The following PLBD2 variants were observed in gnomAD, a reference collection of about 807,000 sequenced individuals.
The protein encoded by PLBD2 is putative aminopeptidase PLBD2.
PLBD2 carries 51 observed loss-of-function variants against 68.3 expected under a neutral mutation model. The observed-to-expected ratio is 0.75, with a 90% CI of 0.60 to 0.94. The LOEUF is 0.94. Among genes scored for constraint, PLBD2 ranks in the 40% least tolerant of loss-of-function variants. The probability of loss-of-function intolerance (pLI) is 0.00; values close to 1 mark genes in which losing one functional copy is unlikely to be tolerated. For missense variants in PLBD2, 729 were observed against 792.2 expected (o/e 0.92, Z 0.96); for synonymous variants, 314 against 339.3 (o/e 0.93, Z 0.82).
chr12:113,384,603 G>T lies in PLBD2; in HGVS notation c.1119-248G>T, dbSNP rs967635999. 3.9e-5 allele frequency among the ~76,000 whole-genome samples: 6 copies of T among 152,158 alleles called. No homozygotes were observed. The highest frequency in any genetic ancestry group is 7.4e-5 in the Non-Finnish European group (5 of 68,024). On this transcript the variant is annotated intron_variant, in intron 7 of 11. Transcript: ENST00000280800. This position sits in a 1 kb window ranked among gnomAD's most constrained non-coding sequence, Gnocchi z 4.2. ...AGAGACACTGGAACTGGGCAGTGCA[G>T]ATCTTACAGCATCCGGCAGAGGAGC...
intron 5 of PLBD2, among the ~76,000 whole-genome samples, chr12:113,379,623 A>C (rs1957467248): frequency 6.6e-6 from 1 of 152,120 alleles, no homozygotes; most frequent in Non-Finnish European, 1.5e-5. Flanking sequence ...AGCACTTGTC[A>C]AGGGATGGGT....
rs188138249 is a variant in PLBD2 at position 113,373,698 on chromosome 12, A to G, written c.544-776A>G. Among the ~76,000 whole-genome samples, 205 of 131,812 alleles carry G rather than the reference A, an allele frequency of 1.6e-3. 1 individual carries two copies. Among genetic ancestry groups the G allele is most frequent in the African/African-American group, 5.5e-3 (189 of 34,112 alleles). The allele number at this position is 131,812 out of a possible 152,430, so 86.5% of individuals were successfully genotyped here. ...CACCCATTTACCCACCCATCCATCC[A>G]TCCTCCATCCACCCATCCTTCCACC... On this transcript the variant is annotated intron_variant, in intron 3 of 11. Transcript: ENST00000280800.
At position 113,374,823 on chromosome 12, in the gene PLBD2, C is replaced by G; in HGVS notation, c.675C>G (p.Asp225Glu). 6.2e-7 allele frequency: 1 copy of G among 1,613,796 alleles called. No homozygotes were observed. The highest frequency in any genetic ancestry group is 8.5e-7 in the Non-Finnish European group (1 of 1,180,028). The part of the protein sequence containing the change: ...LLLQLSGDLE[D>E]LELALNKTKI... ...TGCAGCTCTCTGGGGACCTGGAAGA[C>G]CTGGAGCTGGCCCTGAACAAGACCA... The change falls in exon 5 of 12, where the codon GAC (aspartate) becomes GAG (glutamate). Residue 225 changes from aspartate (D) to glutamate (E), a missense_variant. Physicochemically the swap from Asp to Glu is conservative, Grantham distance 45. Coordinates refer to ENST00000280800, the MANE Select transcript of PLBD2 (RefSeq NM_173542.4).
chr12:113,367,957 C>A (rs140942075), intron 1 of PLBD2, among the ~76,000 whole-genome samples: 1,879 of 152,028 alleles, frequency 0.012, 43 homozygotes, highest in African/African-American at 0.042. Context: ...TGGCTCACAC[C>A]TGTAATCCCA....
At chr12:113,382,830 GTT>G (rs1179441269) in intron 6 of PLBD2, among the ~76,000 whole-genome samples, 44 of 126,336 alleles carry the variant, frequency 3.5e-4, no homozygotes, top group African/African-American at 1.1e-3. Flanking sequence ...GGTGGTGGTG[GTT>G]TTTTGTGTGT....
intron 2 of PLBD2, among the ~76,000 whole-genome samples, chr12:113,369,622 G>A (rs150274178): frequency 2.2e-3 from 337 of 152,188 alleles, no homozygotes; most frequent in South Asian, 5.6e-3. Context: ...AAGGACTGAC[G>A]CACACCAGAA....
chr12:113,363,569 C>T (rs1013317397), intron 1 of PLBD2, among the ~76,000 whole-genome samples: 2 of 140,794 alleles, frequency 1.4e-5, no homozygotes, highest in Middle Eastern at 4.1e-3. Flanking sequence ...GGTGGAGTCT[C>T]GCCCTGTTGC....
chr12:113,368,991 A>AC, intron 1 of PLBD2, 125 bp from the exon 2 acceptor site: 1 of 604,788 alleles, frequency 1.7e-6, no homozygotes. Flanking sequence ...ACAAAGATGG[A>AC]CAGACAGACA....
chr12:113,377,394 G>A (rs371329555), intron 5 of PLBD2, among the ~76,000 whole-genome samples: 9 of 151,996 alleles, frequency 5.9e-5, no homozygotes, highest in African/African-American at 2.2e-4. Flanking sequence ...CCCCACCCCA[G>A]CATCATCTCT....
At chr12:113,364,653 A>T (rs2136900887) in intron 1 of PLBD2, among the ~76,000 whole-genome samples, 1 of 151,896 alleles carries the variant, frequency 6.6e-6, no homozygotes, top group Non-Finnish European at 1.5e-5. Context: ...TAGAGAGGGG[A>T]GTCTCGCTTT....
Position 113,384,272 on chromosome 12 carries a change from G to A in PLBD2, c.1118+7G>A. The A allele has an allele frequency of 1.9e-6, 3 of 1,606,168 alleles. No homozygotes were observed. Among genetic ancestry groups the A allele is most frequent in the South Asian group, 1.1e-5 (1 of 89,850 alleles). On this transcript the variant is annotated splice_region_variant and intron_variant, in intron 7 of 11. Transcript: ENST00000280800. The surrounding 1 kb of genome is among the most constrained non-coding windows in gnomAD (Gnocchi z 4.2). ...AGAGGTTCAACAGCGGCACGTGAGT[G>A]GGCTTCTGGCCCTGTGGCTTCCCCT...
At chr12:113,377,509 T>C (rs1242134469) in intron 5 of PLBD2, among the ~76,000 whole-genome samples, 2 of 152,220 alleles carry the variant, frequency 1.3e-5, no homozygotes, top group Non-Finnish European at 2.9e-5. Context: ...CACTGCAACC[T>C]CTGCTTCCTA....
At chr12:113,382,218 A>C (rs1957497714) in intron 6 of PLBD2, among the ~76,000 whole-genome samples, 1 of 152,238 alleles carries the variant, frequency 6.6e-6, no homozygotes, top group Non-Finnish European at 1.5e-5. Context: ...GTAAACTTTT[A>C]GTATATATGT....
Position 113,390,220 on chromosome 12 carries a change from A to G in PLBD2, c.*1594A>G, listed in dbSNP as rs796934048. On this transcript the variant is annotated 3_prime_UTR_variant, in exon 12 of 12. Transcript: ENST00000280800. ...CATCCACCCACCCATCCAACTACCT[A>G]TCCATTCATCCATCCACCCATCTGC... 2 of 148,752 alleles carry G rather than the reference A, an allele frequency of 1.3e-5. No homozygotes were observed. The highest frequency in any genetic ancestry group is 2.5e-5 in the African/African-American group (1 of 40,092). The allele number at this position is 148,752 out of a possible 1,614,324, so 9.2% of individuals were successfully genotyped here.
Position 113,374,803 on chromosome 12 carries a change from C to T in PLBD2, c.655C>T (p.Leu219Phe), listed in dbSNP as rs746780787. The change falls in exon 5 of 12, where the codon CTC (leucine) becomes TTC (phenylalanine). Residue 219 changes from leucine to phenylalanine, a missense_variant. Transcript: ENST00000280800. The stretch of plus-strand genomic sequence containing the variant: ...CCTGGCCCTCCTCAGCCTGCTGCAG[C>T]TCTCTGGGGACCTGGAAGACCTGGA... ...IKPLGFLLLQ[L>F]SGDLEDLELA... 4 of 1,613,742 alleles carry T rather than the reference C, an allele frequency of 2.5e-6. No homozygotes were observed. Among genetic ancestry groups the T allele is most frequent in the Non-Finnish European group, 2.5e-6 (3 of 1,180,024 alleles).
rs1957521747 is a variant in PLBD2 at position 113,384,020 on chromosome 12, A to AG, written c.958-85_958-84insG. ...TCAAAAAAAAAAAAAAAAAAAAAAA[A>AG]TTTTTGGAGCCATGACTGATGAAGT... On this transcript the variant is annotated intron_variant, in intron 6 of 11. Transcript: ENST00000280800. This position sits in a 1 kb window ranked among gnomAD's most constrained non-coding sequence, Gnocchi z 4.2. 8 of 992,012 alleles carry AG rather than the reference A, an allele frequency of 8.1e-6. No individual in the cohort carries two copies. Among genetic ancestry groups the AG allele is most frequent in the Non-Finnish European group, 1.1e-5 (8 of 748,518 alleles). The allele number at this position is 992,012 out of a possible 1,614,324, so 61.5% of individuals were successfully genotyped here.
At position 113,374,584 on chromosome 12, in the gene PLBD2, A is replaced by C; in HGVS notation, c.644+10A>C. 1.3e-6 allele frequency: 2 copies of C among 1,582,684 alleles called. No individual in the cohort carries two copies. The highest frequency in any genetic ancestry group is 1.7e-6 in the Non-Finnish European group (2 of 1,162,858). On this transcript the variant is annotated intron_variant, in intron 4 of 11. Coordinates refer to ENST00000280800, the MANE Select transcript of PLBD2 (RefSeq NM_173542.4). ...AACCCTTGGGGTTCCTGTAAGTGCCACCCCCAGAGTGAACAGGGTGGGAAG... is the reference window on the plus strand; with the variant it reads ...AACCCTTGGGGTTCCTGTAAGTGCCCCCCCCAGAGTGAACAGGGTGGGAAG...
intron 6 of PLBD2, among the ~76,000 whole-genome samples, chr12:113,383,774 G>C (rs376431573): frequency 1.3e-5 from 2 of 151,280 alleles, no homozygotes; most frequent in African/African-American, 4.9e-5. Context: ...GCGGAGGTGG[G>C]CGGATCACTT....
At position 113,372,464 on chromosome 12, in the gene PLBD2, G is replaced by A. The variant is rs1361145448; in HGVS notation, c.385-185G>A. On this transcript the variant is annotated intron_variant, in intron 2 of 11. Coordinates refer to ENST00000280800, the MANE Select transcript of PLBD2 (RefSeq NM_173542.4). This position sits in a 1 kb window ranked among gnomAD's most constrained non-coding sequence, Gnocchi z 4.2. ...AAGGCTCTCAGGGCAACTTCCAGGG[G>A]CCTGGGGTCCCTATCCGGGGCAGAG... is the stretch of plus-strand genomic sequence containing the variant. Among the ~76,000 whole-genome samples the A allele has an allele frequency of 3.3e-5, 5 of 152,142 alleles. No individual in the cohort carries two copies. In the South Asian group the frequency reaches 8.3e-4, roughly 25 times the overall value.
Sources: gnomAD v4.1 joint callset for allele counts (sites outside exome capture counted in the v4.1 genomes callset) on GRCh38, gnomAD v4.1.1 for gene constraint, Gnocchi (gnomAD v3.1) non-coding constraint, MANE v1.5 for transcripts, NCBI Gene and HGNC (gene_info 2026-07-23, HGNC 2026-07-21) for gene names.